Variants in KLF12 observed in about 807,000 individuals in gnomAD.
The protein encoded by KLF12 is KLF transcription factor 12.
A neutral mutation model predicts 37.8 loss-of-function variants in KLF12; 9 were observed. The observed-to-expected ratio is 0.24, with a 90% confidence interval of 0.14 to 0.42. The LOEUF (loss-of-function observed/expected upper bound fraction) is 0.42. Ranked by LOEUF, KLF12 falls within the 10% of genes least tolerant of loss-of-function variation. The pLI is 1.00. For synonymous variants in KLF12, 208 were observed against 202.1 expected, an observed-to-expected ratio of 1.03 and a Z score of -0.25; for missense variants, 411 against 516.0, an observed-to-expected ratio of 0.80 and a Z score of 1.97.
chr13:74,197,454 A>G, the KLF12 span, among the ~76,000 whole-genome samples: 1 of 113,970 alleles, frequency 8.8e-6, no homozygotes, highest in Non-Finnish European at 2.1e-5. Flanking sequence ...TTACAAGCAT[A>G]CACACTCACT....
At chr13:73,771,684 C>A (rs1880282899) in intron 5 of KLF12, among the ~76,000 whole-genome samples, 5 of 152,184 alleles carry the variant, frequency 3.3e-5, no homozygotes, top group African/African-American at 1.2e-4. Context: ...TCCCTGCCCT[C>A]AGGCAGCTTA....
chr13:74,286,874 GA>G, the KLF12 span, among the ~76,000 whole-genome samples: 1 of 152,148 alleles, frequency 6.6e-6, no homozygotes, highest in South Asian at 2.1e-4. Flanking sequence ...CTGGTTTTTG[GA>G]ATGGGGACTC....
chr13:73,982,017 T>A (rs926873144), intron 2 of KLF12, among the ~76,000 whole-genome samples: 2 of 152,108 alleles, frequency 1.3e-5, no homozygotes, highest in Admixed American at 1.3e-4. Context: ...GCTTACAACT[T>A]ACACAGTCAA....
chr13:73,961,888 T>C, intron 2 of KLF12: 1 of 410,190 alleles, frequency 2.4e-6, no homozygotes, highest in Non-Finnish European at 4.9e-6. Flanking sequence ...CTCTCATTTC[T>C]GGTAGAAATG....
At chr13:73,887,917 T>C (rs1239877301) in intron 3 of KLF12, among the ~76,000 whole-genome samples, 1 of 152,046 alleles carries the variant, frequency 6.6e-6, no homozygotes, top group African/African-American at 2.4e-5. Context: ...TACATAATAA[T>C]ATGATGCTCT....
chr13:74,173,953 G>T, the KLF12 span, among the ~76,000 whole-genome samples: 1 of 152,078 alleles, frequency 6.6e-6, no homozygotes, highest in African/African-American at 2.4e-5. Context: ...ATTCCTGTAC[G>T]AACTCAATAG....
intron 4 of KLF12, among the ~76,000 whole-genome samples, chr13:73,818,474 A>T (rs987585232): frequency 6.6e-6 from 1 of 152,200 alleles, no homozygotes; most frequent in Non-Finnish European, 1.5e-5. Flanking sequence ...GTAATAGTAG[A>T]CTGACACAGA....
rs1402174149 is a variant in KLF12, at chr13:73,693,153, A to T, written c.*2337T>A. On this transcript the variant is annotated 3_prime_UTR_variant, in exon 8 of 8. Transcript: ENST00000377669. ...TGAGAGATGCACCCACTACTTGCCA[A>T]CTAGGTGCTGGTACTAGTGCCAGGG... is the stretch of plus-strand genomic sequence containing the variant. The T allele has an allele frequency of 6.6e-6, 1 of 152,172 alleles. No individual in the cohort carries two copies. The highest frequency in any genetic ancestry group is 1.5e-5 in the Non-Finnish European group (1 of 68,034). The allele number at this position is 152,172 out of a possible 1,614,324, so 9.4% of individuals were successfully genotyped here. A position where few individuals can be genotyped will look rare whatever the true frequency, so the allele number is the denominator to read the frequency against.
the KLF12 span, among the ~76,000 whole-genome samples, chr13:74,270,951 C>T: frequency 1.3e-5 from 2 of 152,128 alleles, no homozygotes; most frequent in Admixed American, 6.6e-5. Context: ...GTCCTCAACC[C>T]CCAGGCTGGT....
the KLF12 span, among the ~76,000 whole-genome samples, chr13:74,236,026 T>C: frequency 6.7e-6 from 1 of 150,176 alleles, no homozygotes; most frequent in Non-Finnish European, 1.5e-5. Flanking sequence ...ACATGTGCCA[T>C]GCTGGTGCGC....
At chr13:74,105,089 A>G (rs1325167828) in intron 1 of KLF12, among the ~76,000 whole-genome samples, 1 of 152,188 alleles carries the variant, frequency 6.6e-6, no homozygotes, top group Non-Finnish European at 1.5e-5. Flanking sequence ...TGACTGTTTC[A>G]CAGCTGGTAA....
At chr13:73,816,313 C>CA (rs1302642016) in intron 4 of KLF12, among the ~76,000 whole-genome samples, 1 of 151,816 alleles carries the variant, frequency 6.6e-6, no homozygotes, top group Admixed American at 6.6e-5. Context: ...ACACCAGAAA[C>CA]AAAAAAATAT....
chr13:73,997,706 G>T (rs1421309920), intron 1 of KLF12, among the ~76,000 whole-genome samples: 1 of 150,852 alleles, frequency 6.6e-6, no homozygotes, highest in African/African-American at 2.4e-5. Context: ...CCAAAGCACA[G>T]AAGTTTTAAA....
chr13:74,094,796 C>T (rs771988770), intron 1 of KLF12, among the ~76,000 whole-genome samples: 3 of 152,026 alleles, frequency 2.0e-5, no homozygotes, highest in African/African-American at 4.8e-5. Context: ...AACAGGGTTT[C>T]GCCACGTTGG....
At chr13:74,159,678 T>C in the KLF12 span, among the ~76,000 whole-genome samples, 2 of 152,206 alleles carry the variant, frequency 1.3e-5, no homozygotes, top group African/African-American at 2.4e-5. Context: ...AATTGCAAGA[T>C]AGTCTCTGCT....
In KLF12 at chr13:73,795,898, T is replaced by C. The variant is rs908144228; in HGVS notation, c.806+17254A>G. 3.3e-5 allele frequency among the ~76,000 whole-genome samples: 5 copies of C among 152,212 alleles called. No individual in the cohort carries two copies. In the East Asian group the frequency reaches 7.7e-4, roughly 24 times the overall value. On this transcript the variant is annotated intron_variant, in intron 5 of 7. Transcript: ENST00000377669. ...GGAGAACTTTTAAAGTTCATATGGA[T>C]AAGAAGATAAAGATGATGTACCTAG...
chr13:73,803,871 C>T (rs1882422398), intron 5 of KLF12, among the ~76,000 whole-genome samples: 1 of 151,856 alleles, frequency 6.6e-6, no homozygotes, highest in Admixed American at 6.6e-5. Flanking sequence ...ACCTAAGTAA[C>T]ACTAGTCATA....
the KLF12 span, among the ~76,000 whole-genome samples, chr13:74,203,782 G>A: frequency 6.6e-6 from 1 of 152,104 alleles, no homozygotes. Context: ...AGGTTACAGA[G>A]ACAGAGAGCT....
At chr13:74,081,558 A>G (rs562449390) in intron 1 of KLF12, among the ~76,000 whole-genome samples, 2 of 152,300 alleles carry the variant, frequency 1.3e-5, no homozygotes, top group South Asian at 4.1e-4. Context: ...TTATTTATCA[A>G]CTTAACCATT....
Sources: allele counts gnomAD v4.1 joint callset (sites outside exome capture counted in the v4.1 genomes callset), GRCh38; gene constraint gnomAD v4.1.1; transcripts MANE v1.5; gene names NCBI Gene and HGNC (gene_info 2026-07-23, HGNC 2026-07-21).